Variants in ANO6 observed in about 807,000 individuals in gnomAD.
The protein encoded by ANO6 is anoctamin-6.
In ANO6, 106 loss-of-function variants were observed where a neutral mutation model predicts 117.5. The observed-to-expected ratio is 0.90, with a 90% CI of 0.77 to 1.06. The LOEUF (loss-of-function observed/expected upper bound fraction) is 1.06. ANO6 is among the 50% of genes least tolerant of loss of function. ANO6 has a pLI of 0.00. For synonymous variants in ANO6, 367 were observed against 385.1 expected (o/e 0.95, Z 0.55); for missense variants, 955 against 1,121.1 (o/e 0.85, Z 2.12).
intron 9 of ANO6, among the ~76,000 whole-genome samples, chr12:45,375,734 C>A (rs1941992962): frequency 6.6e-6 from 1 of 151,388 alleles, no homozygotes; most frequent in Non-Finnish European, 1.5e-5. Flanking sequence ...AAACGTTAGA[C>A]CTAAAACCAT....
intron 1 of ANO6, among the ~76,000 whole-genome samples, chr12:45,246,759 C>CTTTT (rs34322669): frequency 2.2e-4 from 25 of 113,896 alleles, no homozygotes; most frequent in Admixed American, 2.7e-4. Flanking sequence ...TTCCACCCTA[C>CTTTT]TTTTTTTTTT....
intron 9 of ANO6, among the ~76,000 whole-genome samples, chr12:45,371,609 C>T (rs1258772631): frequency 6.6e-6 from 1 of 152,130 alleles, no homozygotes; most frequent in South Asian, 2.1e-4. Flanking sequence ...ACACTGACAC[C>T]TCACACGGCA....
In ANO6 at chr12:45,420,152, T is replaced by C. The variant is rs1272099018; in HGVS notation, c.2218-919T>C. Among the ~76,000 whole-genome samples the C allele has an allele frequency of 2.0e-5, 3 of 152,242 alleles. No homozygotes were observed. In the East Asian group the frequency reaches 5.8e-4, roughly 29 times the overall value. ...TGAGAGTTTAAAACAAATCAGGTCA[T>C]GGTTTGACTTGTGTAAACAAGTCAT... On this transcript the variant is annotated intron_variant, in intron 17 of 19. Coordinates refer to ENST00000320560, the MANE Select transcript of ANO6 (RefSeq NM_001025356.3).
Position 45,343,261 on chromosome 12 carries a change from C to T in ANO6, c.280-3761C>T, listed in dbSNP as rs144511413. Among the ~76,000 whole-genome samples the T allele has an allele frequency of 3.7e-3, 556 of 152,296 alleles. 4 individuals carry two copies. The highest frequency in any genetic ancestry group is 0.013 in the African/African-American group (523 of 41,564). ...TATTGTTAAAACACTCATCAAGCCA[C>T]TGGAGAAGACCCTCTTCTGACTGAT... On this transcript the variant is annotated intron_variant, in intron 3 of 19. Transcript: ENST00000320560.
chr12:45,397,518 A>G (rs1376335150), intron 12 of ANO6, among the ~76,000 whole-genome samples: 2 of 152,244 alleles, frequency 1.3e-5, no homozygotes, highest in East Asian at 3.8e-4. Context: ...TCATACTACT[A>G]TGAAGAAACA....
chr12:45,396,255 GAATAAAATACCTAGGAATCC>G (rs751279902), intron 12 of ANO6, among the ~76,000 whole-genome samples: 3 of 152,074 alleles, frequency 2.0e-5, no homozygotes, highest in Non-Finnish European at 2.9e-5. Context: ...GCTACAAAGA[GAATAAAATACCTAGGAATCC>G]AACTTAAAAG....
At chr12:45,242,017 A>G (rs1474885313) in intron 1 of ANO6, among the ~76,000 whole-genome samples, 1 of 152,216 alleles carries the variant, frequency 6.6e-6, no homozygotes, top group Admixed American at 6.5e-5. Context: ...GTTAGGCTAC[A>G]TGGGGGTCAG....
At chr12:45,402,056 T>A (rs773380572) in intron 13 of ANO6, 36 bp downstream of exon 13, 7 of 1,574,442 alleles carry the variant, frequency 4.4e-6, no homozygotes, top group Non-Finnish European at 3.5e-6. Context: ...ACTTCTGACA[T>A]ATTTTTAGAA....
At chr12:45,220,900 A>G (rs897875759) in intron 1 of ANO6, among the ~76,000 whole-genome samples, 7 of 152,252 alleles carry the variant, frequency 4.6e-5, no homozygotes, top group African/African-American at 1.7e-4. Flanking sequence ...TTAATCAATC[A>G]TGCCTATGTA....
intron 9 of ANO6, among the ~76,000 whole-genome samples, chr12:45,376,657 T>A (rs1476516560): frequency 2.1e-5 from 3 of 140,496 alleles, no homozygotes; most frequent in African/African-American, 5.4e-5. Context: ...AACAATGAGA[T>A]CACATGGACA....
At chr12:45,378,983 A>C (rs1054255188) in intron 10 of ANO6, among the ~76,000 whole-genome samples, 1 of 152,242 alleles carries the variant, frequency 6.6e-6, no homozygotes, top group Admixed American at 6.5e-5. Context: ...AGAATCATTA[A>C]TACAATGAGG....
At chr12:45,320,933 A>T (rs1302706801) in intron 2 of ANO6, among the ~76,000 whole-genome samples, 2 of 152,028 alleles carry the variant, frequency 1.3e-5, no homozygotes, top group African/African-American at 4.8e-5. Context: ...AGAGACTAGG[A>T]TTGCAACCCC....
intron 1 of ANO6, among the ~76,000 whole-genome samples, chr12:45,227,137 C>T (rs149622640): frequency 0.016 from 2,416 of 151,762 alleles, 238 homozygotes; most frequent in Admixed American, 0.14. Flanking sequence ...TACAGGTGCA[C>T]GCCACCATGC....
intron 3 of ANO6, among the ~76,000 whole-genome samples, chr12:45,339,970 T>G (rs1490894071): frequency 6.6e-6 from 1 of 152,134 alleles, no homozygotes; most frequent in Non-Finnish European, 1.5e-5. Context: ...ATTTTACTAC[T>G]TAGACATTGC....
chr12:45,252,590 G>A (rs780839694), intron 1 of ANO6, among the ~76,000 whole-genome samples: 1 of 152,088 alleles, frequency 6.6e-6, no homozygotes, highest in Non-Finnish European at 1.5e-5. Context: ...GACAATCAGT[G>A]TTCTCATTAA....
chr12:45,376,821 G>A (rs988028579), intron 9 of ANO6, among the ~76,000 whole-genome samples: 4 of 150,354 alleles, frequency 2.7e-5, no homozygotes, highest in African/African-American at 7.4e-5. Flanking sequence ...CCTGAACAAT[G>A]TGCACATGTA....
chr12:45,292,817 A>G, intron 1 of ANO6: 2 of 1,514,652 alleles, frequency 1.3e-6, no homozygotes, highest in Non-Finnish European at 1.8e-6. Flanking sequence ...CTGTTTGTGG[A>G]TGATAGAAAT....
chr12:45,321,266 C>T (rs929946248), intron 2 of ANO6, among the ~76,000 whole-genome samples: 1 of 152,050 alleles, frequency 6.6e-6, no homozygotes, highest in African/African-American at 2.4e-5. Context: ...TGAAACTCAA[C>T]AAGTGGTAGT....
chr12:45,238,841 G>A (rs758817657), intron 1 of ANO6, among the ~76,000 whole-genome samples: 6 of 152,156 alleles, frequency 3.9e-5, no homozygotes, highest in Admixed American at 6.5e-5. Flanking sequence ...GATGGATTAC[G>A]TTTATTGATT....
Sources: allele counts gnomAD v4.1 joint callset (sites outside exome capture counted in the v4.1 genomes callset), GRCh38; gene constraint gnomAD v4.1.1; transcripts MANE v1.5; gene names NCBI Gene and HGNC (gene_info 2026-07-23, HGNC 2026-07-21).